Variants in CDON observed in about 807,000 individuals in gnomAD.
CDON encodes cell adhesion molecule-related/down-regulated by oncogenes.
A neutral mutation model predicts 120.9 loss-of-function variants in CDON; 73 were observed. The observed-to-expected ratio is 0.60, with a 90% CI of 0.50 to 0.73. The LOEUF (loss-of-function observed/expected upper bound fraction) is 0.73, where lower values mean the gene tolerates loss of function less well. Ranked by LOEUF, CDON falls within the 30% of genes least tolerant of loss-of-function variation. CDON has a pLI of 0.00. For synonymous variants in CDON, 566 were observed against 573.5 expected, an observed-to-expected ratio of 0.99 and a Z score of 0.19; for missense variants, 1,470 against 1,587.3, an observed-to-expected ratio of 0.93 and a Z score of 1.26.
chr11:125,994,214 C>G, intron 14 of CDON, 70 bp downstream of exon 14: 1 of 814,140 alleles, frequency 1.2e-6, no homozygotes, highest in Non-Finnish European at 2.2e-6. Context: ...TGGGATGATG[C>G]ATTTTATATT....
At chr11:126,044,229 T>A (rs911662359) in intron 1 of CDON, among the ~76,000 whole-genome samples, 1 of 152,214 alleles carries the variant, frequency 6.6e-6, no homozygotes, top group African/African-American at 2.4e-5. Context: ...TATTAATACA[T>A]AACAAAAAGT....
intron 1 of CDON, among the ~76,000 whole-genome samples, chr11:126,038,334 T>G (rs536556102): frequency 1.8e-4 from 27 of 152,212 alleles, no homozygotes; most frequent in African/African-American, 6.5e-4. Flanking sequence ...GGTCTTCTCA[T>G]GAAGACTCAG....
At chr11:126,051,879 C>A (rs1347435955) in intron 1 of CDON, among the ~76,000 whole-genome samples, 1 of 151,974 alleles carries the variant, frequency 6.6e-6, no homozygotes, top group Admixed American at 6.6e-5. Context: ...GAACTCCTGA[C>A]CTCAGGTGAT....
chr11:125,999,204 C>T (rs1456006126), intron 11 of CDON, among the ~76,000 whole-genome samples: 1 of 152,086 alleles, frequency 6.6e-6, no homozygotes, highest in African/African-American at 2.4e-5. Flanking sequence ...CTAGAAAAAC[C>T]AAACAACTTC....
chr11:126,026,131 T>A (rs553446036), intron 1 of CDON, among the ~76,000 whole-genome samples: 2 of 152,346 alleles, frequency 1.3e-5, no homozygotes, highest in South Asian at 2.1e-4. Flanking sequence ...AGAATGCAAT[T>A]CCCAGAAGTA....
rs113593771 is a variant in CDON, at chr11:126,023,468, C to T, written c.9G>A (p.Pro3=). The stretch of plus-strand genomic sequence containing the variant: ...GCAGTGTACATAAGGGTCCAAGATC[C>T]GGATGCATAGCGCCAGATTACAGAA... MH[P]DLGPLCTLLY... is the part of the protein sequence containing the mutation. Residue 3 remains proline, a synonymous_variant, in exon 2 of 20, where the codon CCG becomes CCA. Coordinates refer to ENST00000531738, the MANE Select transcript of CDON (RefSeq NM_001378964.1). 1.8e-3 allele frequency: 2,893 copies of T among 1,611,286 alleles called. 43 individuals are homozygous for T. In the African/African-American group the frequency reaches 0.031, roughly 17 times the overall value.
At chr11:126,038,617 A>G (rs1591417056) in intron 1 of CDON, among the ~76,000 whole-genome samples, 1 of 151,816 alleles carries the variant, frequency 6.6e-6, no homozygotes, top group Non-Finnish European at 1.5e-5. Flanking sequence ...GTCCCACTGC[A>G]CTCCAGCCTG....
chr11:126,030,724 A>G (rs904681778), intron 1 of CDON, among the ~76,000 whole-genome samples: 18 of 152,226 alleles, frequency 1.2e-4, no homozygotes, highest in Non-Finnish European at 1.5e-5. Context: ...TTCATTAAGT[A>G]CTATCAAGAT....
rs770868175 is a variant in CDON at position 125,978,363 on chromosome 11, G to A, written c.3297C>T (p.Ala1099=). 1.2e-5 allele frequency: 19 copies of A among 1,608,592 alleles called. No individual in the cohort carries two copies. Among genetic ancestry groups the A allele is most frequent in the Middle Eastern group, 1.6e-4 (1 of 6,072 alleles). The stretch of plus-strand genomic sequence containing the variant: ...ACTCCAGAGGGTCAATCTGAGGCAC[G>A]GCCGTGTACATTCCACCACCCTGGA... ...HLVNGGGMYT[A]VPQIDPLECV... The change falls in exon 18 of 20, where the codon GCC becomes GCT. Residue 1099 remains alanine (A), a synonymous_variant. Transcript: ENST00000531738.
intron 12 of CDON, among the ~76,000 whole-genome samples, chr11:125,996,948 C>T (rs907395417): frequency 1.2e-4 from 18 of 151,976 alleles, no homozygotes; most frequent in Non-Finnish European, 2.6e-4. Flanking sequence ...AGACCGAGGG[C>T]GGCAAATTGC....
chr11:126,031,497 C>T (rs1947944219), intron 1 of CDON, among the ~76,000 whole-genome samples: 1 of 152,182 alleles, frequency 6.6e-6, no homozygotes, highest in Admixed American at 6.5e-5. Context: ...TTAGACTTTA[C>T]ACCACGTCAC....
chr11:126,039,234 A>C (rs1266390230), intron 1 of CDON, among the ~76,000 whole-genome samples: 1 of 152,222 alleles, frequency 6.6e-6, no homozygotes, highest in African/African-American at 2.4e-5. Flanking sequence ...CAAGACAGAT[A>C]ATTGTACATA....
At chr11:126,046,218 A>G (rs1443232991) in intron 1 of CDON, among the ~76,000 whole-genome samples, 1 of 152,178 alleles carries the variant, frequency 6.6e-6, no homozygotes, top group Non-Finnish European at 1.5e-5. Flanking sequence ...CAAAAAAGTT[A>G]TAAGAATCTT....
chr11:126,050,424 C>T (rs994649247), intron 1 of CDON, among the ~76,000 whole-genome samples: 12 of 151,192 alleles, frequency 7.9e-5, no homozygotes, highest in African/African-American at 2.7e-4. Context: ...TATCAATGCT[C>T]GATCATTTAG....
At chr11:125,992,981 A>C (rs190376798) in intron 14 of CDON, among the ~76,000 whole-genome samples, 5 of 152,214 alleles carry the variant, frequency 3.3e-5, no homozygotes, top group Admixed American at 2.0e-4. Flanking sequence ...ATTCAGCTTC[A>C]ATTGAGCACT....
chr11:125,970,462 C>T (rs553317910), intron 18 of CDON, among the ~76,000 whole-genome samples: 39 of 152,156 alleles, frequency 2.6e-4, no homozygotes, highest in East Asian at 1.7e-3. Flanking sequence ...CGTGAGCCAC[C>T]GCACCCGGCC....
At chr11:126,015,196 C>G in intron 7 of CDON, 45 bp downstream of exon 7, 1 of 1,575,724 alleles carries the variant, frequency 6.3e-7, no homozygotes. Context: ...AAAAGCCCAT[C>G]TGTAAAATAA....
chr11:126,006,796 G>GAA (rs5795471), intron 8 of CDON, among the ~76,000 whole-genome samples: 3 of 149,274 alleles, frequency 2.0e-5, no homozygotes, highest in Admixed American at 6.7e-5. Context: ...TCTTTGCACT[G>GAA]AAAAAAAAAA....
chr11:125,967,657 G>T (rs2134367703), intron 18 of CDON, among the ~76,000 whole-genome samples: 1 of 152,258 alleles, frequency 6.6e-6, no homozygotes, highest in African/African-American at 2.4e-5. Flanking sequence ...CTAGAAACCT[G>T]TATTTTCTTT....
Sources: allele counts gnomAD v4.1 joint callset (sites outside exome capture counted in the v4.1 genomes callset), GRCh38; gene constraint gnomAD v4.1.1; transcripts MANE v1.5; gene names NCBI Gene and HGNC (gene_info 2026-07-23, HGNC 2026-07-21).